The following DEFB131A variants were observed in gnomAD, a reference collection of about 807,000 sequenced individuals.
The protein encoded by DEFB131A is beta-defensin 131A.
In DEFB131A, 5 loss-of-function variants were observed where a neutral mutation model predicts 2.4. The observed-to-expected ratio is 2.12, with a 90% CI of 1.11 to 4.47. DEFB131A has a LOEUF of 4.47. Among genes scored for constraint, DEFB131A ranks in the 30% most tolerant of loss-of-function variants. The pLI is 0.00. For missense variants in DEFB131A, 120 were observed against 79.9 expected (o/e 1.50, Z -1.91); for synonymous variants, 34 against 25.7 (o/e 1.32, Z -0.97).
intron 1 of DEFB131A, among the ~76,000 whole-genome samples, chr4:9,449,340 A>G (rs1163915360): frequency 1.1e-4 from 1 of 9,080 alleles, no homozygotes; most frequent in Admixed American, 9.1e-4. Flanking sequence ...AACAATCTTA[A>G]ACAGACATAT....
At position 9,446,121 on chromosome 4, in the gene DEFB131A, A is replaced by G. The variant is rs187939195; in HGVS notation, c.58+1530A>G. On this transcript the variant is annotated intron_variant, in intron 1 of 1. Transcript: ENST00000334879. The stretch of plus-strand genomic sequence containing the variant: ...TTCTATCTCAATAAAAATATAAAAC[A>G]CCAACATTCATGGAGGAAAAGTATA... Among the ~76,000 whole-genome samples the G allele has an allele frequency of 3.9e-3, 600 of 152,250 alleles. 1 individual carries two copies. The highest frequency in any genetic ancestry group is 6.1e-3 in the Non-Finnish European group (415 of 67,976).
chr4:9,447,508 G>T (rs1384553977), intron 1 of DEFB131A, among the ~76,000 whole-genome samples: 2 of 152,076 alleles, frequency 1.3e-5, no homozygotes, highest in African/African-American at 2.4e-5. Context: ...AGTTCTGGAA[G>T]TTATAATTCT....
At position 9,450,632 on chromosome 4, in the gene DEFB131A, G is replaced by C; in HGVS notation, c.*118G>C. ...TTATAATTGCATGTTTAGATGGTCAGGTGAAAATGAATATAAATTTTATAA... is the reference window on the plus strand; with the variant it reads ...TTATAATTGCATGTTTAGATGGTCACGTGAAAATGAATATAAATTTTATAA... On this transcript the variant is annotated 3_prime_UTR_variant, in exon 2 of 2. Coordinates refer to ENST00000334879, the MANE Select transcript of DEFB131A (RefSeq NM_001040448.3). 1 of 1,364,856 alleles carries C rather than the reference G, an allele frequency of 7.3e-7. No individual in the cohort carries two copies. Among genetic ancestry groups the C allele is most frequent in the Non-Finnish European group, 9.9e-7 (1 of 1,006,008 alleles). The allele number at this position is 1,364,856 out of a possible 1,614,324, so 84.5% of individuals were successfully genotyped here. A position where few individuals can be genotyped will look rare whatever the true frequency, so the allele number is the denominator to read the frequency against.
In DEFB131A at chr4:9,450,421, C is replaced by A. The variant is rs754851773; in HGVS notation, c.120C>A (p.Cys40Ter). 2.5e-6 allele frequency: 4 copies of A among 1,608,754 alleles called. No homozygotes were observed. The African/African-American group carries it at 4.0e-5, about 16-fold the overall frequency. The change falls in exon 2 of 2, where the codon TGC becomes TGA. Residue 40 changes from cysteine to a stop codon, truncating the protein, a stop_gained. Coordinates refer to ENST00000334879, the MANE Select transcript of DEFB131A (RefSeq NM_001040448.3). LOFTEE classifies it low-confidence loss of function (END_TRUNC). Reference protein sequence around the residue: ...PSEYYHCRLKCNADEHAIRYC... With the variant: ...PSEYYHCRLK ...AATATTATCATTGCAGACTGAAGTG[C>A]AATGCTGATGAACATGCAATTAGAT...
chr4:9,447,566 C>A (rs1490075687), intron 1 of DEFB131A, among the ~76,000 whole-genome samples: 1 of 152,072 alleles, frequency 6.6e-6, no homozygotes, highest in Non-Finnish European at 1.5e-5. Flanking sequence ...CCTGTCTTGG[C>A]TTGCAGCTGC....
At chr4:9,447,208 T>C (rs1285706401) in intron 1 of DEFB131A, among the ~76,000 whole-genome samples, 2 of 152,212 alleles carry the variant, frequency 1.3e-5, no homozygotes, top group Admixed American at 6.5e-5. Context: ...GTTATCATGA[T>C]GTTGAGGTGT....
intron 1 of DEFB131A, among the ~76,000 whole-genome samples, chr4:9,446,071 C>G (rs1285559038): frequency 6.6e-6 from 1 of 151,948 alleles, no homozygotes; most frequent in Non-Finnish European, 1.5e-5. Flanking sequence ...ATGGAACACT[C>G]TAAAGGAATG....
rs572604458 is a variant in DEFB131A, at chr4:9,444,685, G to A, written c.58+94G>A. 25 of 1,326,732 alleles carry A rather than the reference G, an allele frequency of 1.9e-5. No individual in the cohort carries two copies. In the African/African-American group the frequency reaches 2.3e-4, roughly 12 times the overall value. The allele number at this position is 1,326,732 out of a possible 1,614,324, so 82.2% of individuals were successfully genotyped here. A position where few individuals can be genotyped will look rare whatever the true frequency, so the allele number is the denominator to read the frequency against. On this transcript the variant is annotated intron_variant, in intron 1 of 1. Coordinates refer to ENST00000334879, the MANE Select transcript of DEFB131A (RefSeq NM_001040448.3). Reference sequence around the variant, plus strand: ...GAGTCTGAAAATAAAATAGGCATGGGCAGATTTTACTGTACCATGAAGGCT... The same window carrying A: ...GAGTCTGAAAATAAAATAGGCATGGACAGATTTTACTGTACCATGAAGGCT...
chr4:9,450,414 T>G lies in DEFB131A; in HGVS notation c.113T>G (p.Leu38Arg). The change falls in exon 2 of 2, where the codon CTG (leucine) becomes CGG (arginine). Residue 38 changes from leucine (L) to arginine (R), a missense_variant. Leu to Arg is a moderately radical substitution (Grantham distance 102). Coordinates refer to ENST00000334879, the MANE Select transcript of DEFB131A (RefSeq NM_001040448.3). Reference protein sequence around the residue: ...ECPSEYYHCRLKCNADEHAIR... With the variant: ...ECPSEYYHCRRKCNADEHAIR... ...CCTTCAGAATATTATCATTGCAGAC[T>G]GAAGTGCAATGCTGATGAACATGCA... 1 of 1,606,776 alleles carries G rather than the reference T, an allele frequency of 6.2e-7. No individual in the cohort carries two copies. Among genetic ancestry groups the G allele is most frequent in the Non-Finnish European group, 8.5e-7 (1 of 1,176,714 alleles).
chr4:9,446,784 T>C (rs1201641152), intron 1 of DEFB131A, among the ~76,000 whole-genome samples: 4 of 152,166 alleles, frequency 2.6e-5, no homozygotes, highest in African/African-American at 7.2e-5. Context: ...GTATGTTGTG[T>C]TTCCATTTGC....
chr4:9,448,674 TAG>T (rs1378672431), intron 1 of DEFB131A, among the ~76,000 whole-genome samples: 2 of 152,130 alleles, frequency 1.3e-5, no homozygotes, highest in African/African-American at 4.8e-5. Flanking sequence ...TAAACAAAAA[TAG>T]AGTTTGTCAC....
rs183590697 is a variant in DEFB131A, at chr4:9,444,475, A to C, written c.-59A>C. On this transcript the variant is annotated 5_prime_UTR_variant, in exon 1 of 2. Transcript: ENST00000334879. The stretch of plus-strand genomic sequence containing the variant: ...CACCTCTTCAGAGAACTGAATGTAC[A>C]CAGAAGTCCTCTTCATCTCAGCTAC... The C allele has an allele frequency of 6.3e-7, 1 of 1,586,818 alleles. No individual in the cohort carries two copies. Among genetic ancestry groups the C allele is most frequent in the African/African-American group, 1.3e-5 (1 of 74,084 alleles).
chr4:9,449,629 G>C (rs905047675), intron 1 of DEFB131A, among the ~76,000 whole-genome samples: 7 of 151,800 alleles, frequency 4.6e-5, no homozygotes, highest in Admixed American at 4.6e-4. Flanking sequence ...TCATGATGTT[G>C]GTCATGGCAA....
chr4:9,447,500 T>C (rs932169350), intron 1 of DEFB131A, among the ~76,000 whole-genome samples: 2 of 152,106 alleles, frequency 1.3e-5, no homozygotes, highest in African/African-American at 4.8e-5. Flanking sequence ...TTTCTCACAG[T>C]TCTGGAAGTT....
intron 1 of DEFB131A, 141 bp from the exon 2 acceptor site, chr4:9,450,219 T>C (rs1292474409): frequency 2.0e-6 from 2 of 1,013,910 alleles, no homozygotes; most frequent in Admixed American, 7.8e-5. Flanking sequence ...ATCTCCACGT[T>C]TTCTCTTGCA....
At chr4:9,448,596 T>G (rs1297103315) in intron 1 of DEFB131A, among the ~76,000 whole-genome samples, 2 of 152,156 alleles carry the variant, frequency 1.3e-5, no homozygotes, top group African/African-American at 4.8e-5. Context: ...AGTACCAGGA[T>G]TAAAGGTGCA....
chr4:9,448,686 C>T (rs1044585259), intron 1 of DEFB131A, among the ~76,000 whole-genome samples: 4 of 152,160 alleles, frequency 2.6e-5, no homozygotes, highest in African/African-American at 9.7e-5. Context: ...GAGTTTGTCA[C>T]CAGTAGTCCT....
At chr4:9,447,716 T>TAA (rs57201315) in intron 1 of DEFB131A, among the ~76,000 whole-genome samples, 2,820 of 134,642 alleles carry the variant, frequency 0.021, 53 homozygotes, top group African/African-American at 0.07. Flanking sequence ...TATCAGTCCT[T>TAA]AAAAAAAAAA....
intron 1 of DEFB131A, among the ~76,000 whole-genome samples, chr4:9,446,902 T>G (rs2108837364): frequency 6.6e-6 from 1 of 152,310 alleles, no homozygotes; most frequent in South Asian, 2.1e-4. Context: ...GTTTCCAAAG[T>G]TCTTCCTAGT....
Sources: gnomAD v4.1 joint callset for allele counts (sites outside exome capture counted in the v4.1 genomes callset) on GRCh38, gnomAD v4.1.1 for gene constraint, MANE v1.5 for transcripts, NCBI Gene and HGNC (gene_info 2026-07-23, HGNC 2026-07-21) for gene names.